ABI3BP: variants seen among roughly 807,000 people sequenced by gnomAD.
ABI3BP encodes the protein ABI family member 3 binding protein.
A neutral mutation model predicts 268.6 loss-of-function variants in ABI3BP; 216 were observed. That is an observed-to-expected ratio of 0.80 (90% CI 0.72 to 0.90). ABI3BP has a LOEUF of 0.90. Among genes scored for constraint, ABI3BP ranks in the 40% least tolerant of loss-of-function variants. The pLI, the probability that ABI3BP is intolerant of heterozygous loss-of-function variation, is 0.00. For missense variants in ABI3BP, 2,090 were observed against 2,182.4 expected (o/e 0.96, Z 0.84); for synonymous variants, 730 against 730.0 (o/e 1.00, Z 0.00).
chr3:100,943,137 T>G (rs1056881462), intron 1 of ABI3BP, among the ~76,000 whole-genome samples: 1 of 152,120 alleles, frequency 6.6e-6, no homozygotes, highest in Non-Finnish European at 1.5e-5. Flanking sequence ...AAAGATGAGT[T>G]ATTTTCCAAA....
intron 63 of ABI3BP, among the ~76,000 whole-genome samples, chr3:100,764,732 C>T (rs536109610): frequency 3.9e-5 from 6 of 152,280 alleles, no homozygotes; most frequent in African/African-American, 1.4e-4. Flanking sequence ...CTCATTCCTT[C>T]AAATATATTA....
chr3:100,778,828 T>C (rs2096786922), intron 58 of ABI3BP, among the ~76,000 whole-genome samples: 1 of 152,236 alleles, frequency 6.6e-6, no homozygotes, highest in Non-Finnish European at 1.5e-5. Flanking sequence ...GCAAACACTA[T>C]ATGATTTTAT....
At chr3:100,798,882 C>A (rs1406881024) in intron 51 of ABI3BP, among the ~76,000 whole-genome samples, 4 of 152,118 alleles carry the variant, frequency 2.6e-5, no homozygotes, top group Non-Finnish European at 4.4e-5. Flanking sequence ...TTAATCTATA[C>A]TCTCTATTCC....
chr3:100,879,422 C>T lies in ABI3BP; in HGVS notation c.697-2862G>A, dbSNP rs745362188. Among the ~76,000 whole-genome samples, 42 of 152,268 alleles carry T rather than the reference C, an allele frequency of 2.8e-4. 1 individual carries two copies. In the Middle Eastern group the frequency reaches 0.01, roughly 37 times the overall value. The stretch of plus-strand genomic sequence containing the variant: ...CACTTAGTGCACATTTTGTACTTAG[C>T]GCACGTTTTGTTGAATGCGAAGTCT... On this transcript the variant is annotated intron_variant, in intron 6 of 67. Coordinates refer to ENST00000471714, the MANE Select transcript of ABI3BP (RefSeq NM_001375547.2).
At chr3:100,801,180 C>A (rs1026252865) in intron 51 of ABI3BP, among the ~76,000 whole-genome samples, 1 of 151,758 alleles carries the variant, frequency 6.6e-6, no homozygotes, top group Non-Finnish European at 1.5e-5. Context: ...CATGAACCAG[C>A]ATTGTACTTT....
At chr3:100,915,803 C>A (rs1434974387) in intron 2 of ABI3BP, among the ~76,000 whole-genome samples, 1 of 152,178 alleles carries the variant, frequency 6.6e-6, no homozygotes, top group African/African-American at 2.4e-5. Flanking sequence ...ACACTGACCA[C>A]AACGCTGGGG....
At chr3:100,922,689 A>G (rs2060654758) in intron 2 of ABI3BP, among the ~76,000 whole-genome samples, 1 of 151,886 alleles carries the variant, frequency 6.6e-6, no homozygotes, top group Non-Finnish European at 1.5e-5. Context: ...AAGACATAAA[A>G]CCAGATTCTC....
At chr3:100,850,374 T>C (rs1478376494) in intron 16 of ABI3BP, among the ~76,000 whole-genome samples, 1 of 152,142 alleles carries the variant, frequency 6.6e-6, no homozygotes, top group African/African-American at 2.4e-5. Flanking sequence ...GCCACAAACA[T>C]GTGAAGTGAG....
chr3:100,862,793 T>C (rs919473394), intron 13 of ABI3BP, 45 bp downstream of exon 13: 2 of 1,352,996 alleles, frequency 1.5e-6, no homozygotes, highest in Admixed American at 2.1e-5. Context: ...AATTAAGCAA[T>C]CACCACCCAC....
At chr3:100,911,499 T>G (rs926170039) in intron 2 of ABI3BP, 1 of 442,156 alleles carries the variant, frequency 2.3e-6, no homozygotes, top group African/African-American at 2.0e-5. Context: ...TTTTTCACTT[T>G]TTTTTGCATA....
chr3:100,963,717 G>A (rs1026774692), intron 1 of ABI3BP, among the ~76,000 whole-genome samples: 4 of 152,098 alleles, frequency 2.6e-5, no homozygotes, highest in Non-Finnish European at 5.9e-5. Context: ...TGCTCCAGTC[G>A]CACTGGCCAG....
At chr3:100,840,532 T>G (rs1353650260) in intron 22 of ABI3BP, among the ~76,000 whole-genome samples, 1 of 152,180 alleles carries the variant, frequency 6.6e-6, no homozygotes, top group Non-Finnish European at 1.5e-5. Flanking sequence ...TGGCCTAAGA[T>G]TTAAACAGAT....
chr3:100,839,762 C>T, intron 23 of ABI3BP, 146 bp from the exon 24 acceptor site: 4 of 893,584 alleles, frequency 4.5e-6, no homozygotes, highest in Non-Finnish European at 7.0e-6. Context: ...ATTTTCCTTT[C>T]TCCTTGTTGC....
At chr3:100,954,811 A>G (rs541631780) in intron 1 of ABI3BP, among the ~76,000 whole-genome samples, 1 of 152,082 alleles carries the variant, frequency 6.6e-6, no homozygotes, top group Non-Finnish European at 1.5e-5. Flanking sequence ...TCTGGGCCCC[A>G]ACTAAGGCAC....
At position 100,894,965 on chromosome 3, in the gene ABI3BP, A is replaced by AAAAAAAAAAAAAAAAAAAAAAAAAAAAAC. The variant is rs760156604; in HGVS notation, c.461+3796_461+3797insGTTTTTTTTTTTTTTTTTTTTTTTTTTTT. Among the ~76,000 whole-genome samples, 57 of 120,858 alleles carry AAAAAAAAAAAAAAAAAAAAAAAAAAAAAC rather than the reference A, an allele frequency of 4.7e-4. 1 individual carries two copies. Among genetic ancestry groups the AAAAAAAAAAAAAAAAAAAAAAAAAAAAAC allele is most frequent in the Non-Finnish European group, 7.6e-4 (39 of 51,372 alleles). The allele number at this position is 120,858 out of a possible 152,430, so 79.3% of individuals were successfully genotyped here. On this transcript the variant is annotated intron_variant, in intron 4 of 67. Transcript: ENST00000471714. Reference sequence around the variant, plus strand: ...AAAAAAAAAAAAAAAAAAAAAAAAAAAACAGAAAAAAAAAACACAAGATGA... The same window carrying AAAAAAAAAAAAAAAAAAAAAAAAAAAAAC: ...AAAAAAAAAAAAAAAAAAAAAAAAAAAAAAAAAAAAAAAAAAAAAAAAAAAAAACAACAGAAAAAAAAAACACAAGATGA...
intron 1 of ABI3BP, among the ~76,000 whole-genome samples, chr3:100,963,011 T>A (rs902425142): frequency 6.6e-6 from 1 of 152,144 alleles, no homozygotes; most frequent in African/African-American, 2.4e-5. Flanking sequence ...TACATCTGAC[T>A]CTTTTCTAGT....
chr3:100,938,813 T>G (rs1463662841), intron 1 of ABI3BP, among the ~76,000 whole-genome samples: 1 of 152,142 alleles, frequency 6.6e-6, no homozygotes, highest in Non-Finnish European at 1.5e-5. Flanking sequence ...AGAGTCTGTG[T>G]AAGGTGGTTG....
At chr3:100,886,399 C>T (rs2041987216) in intron 4 of ABI3BP, 76 bp from the exon 5 acceptor site, 1 of 1,151,572 alleles carries the variant, frequency 8.7e-7, no homozygotes, top group Non-Finnish European at 1.2e-6. Context: ...CTTACTTCAT[C>T]ACAGATTTCA....
chr3:100,774,085 G>T (rs1030435067), intron 61 of ABI3BP, among the ~76,000 whole-genome samples: 1 of 152,042 alleles, frequency 6.6e-6, no homozygotes, highest in South Asian at 2.1e-4. Context: ...GAAAAAAAAG[G>T]GCTCTATGTC....
Sources: allele counts gnomAD v4.1 joint callset (sites outside exome capture counted in the v4.1 genomes callset), GRCh38; gene constraint gnomAD v4.1.1; transcripts MANE v1.5; gene names NCBI Gene and HGNC (gene_info 2026-07-23, HGNC 2026-07-21).